The following GPC6 variants were observed in gnomAD, a reference collection of about 807,000 sequenced individuals.
The protein encoded by GPC6 is glypican-6.
Under a neutral mutation model 55.2 loss-of-function variants are expected in GPC6, and 14 were observed. The observed-to-expected ratio is 0.25, with a 90% CI of 0.17 to 0.40. GPC6 has a LOEUF of 0.40. Ranked by LOEUF, GPC6 falls within the 10% of genes least tolerant of loss-of-function variation. GPC6 has a pLI of 1.00. For synonymous variants in GPC6, 278 were observed against 259.6 expected (o/e 1.07, Z -0.68); for missense variants, 641 against 708.5 (o/e 0.90, Z 1.08).
At chr13:93,492,059 A>T (rs959459933) in intron 1 of GPC6, among the ~76,000 whole-genome samples, 2 of 144,012 alleles carry the variant, frequency 1.4e-5, no homozygotes, top group Admixed American at 7.0e-5. Flanking sequence ...TCTGTGAAGA[A>T]AGTCATTGGT....
Position 93,373,690 on chromosome 13 carries a change from T to G in GPC6, c.160+146074T>G, listed in dbSNP as rs1335211335. On this transcript the variant is annotated intron_variant, in intron 1 of 8. Coordinates refer to ENST00000377047, the MANE Select transcript of GPC6 (RefSeq NM_005708.5). The stretch of plus-strand genomic sequence containing the variant: ...AATCAATGCCTGCAAGAATTAGTGA[T>G]TCAAAAGATAGTATTAACTAAACAA... Among the ~76,000 whole-genome samples, 2 of 152,198 alleles carry G rather than the reference T, an allele frequency of 1.3e-5. 1 individual carries two copies. The highest frequency in any genetic ancestry group is 1.3e-4 in the Admixed American group (2 of 15,274).
intron 3 of GPC6, among the ~76,000 whole-genome samples, chr13:93,922,414 A>G (rs1877621417): frequency 6.6e-6 from 1 of 152,194 alleles, no homozygotes; most frequent in Non-Finnish European, 1.5e-5. Context: ...TAAGAAAAGG[A>G]CAGTTGTTCC....
chr13:93,306,678 A>G (rs1878868254), intron 1 of GPC6, among the ~76,000 whole-genome samples: 1 of 152,186 alleles, frequency 6.6e-6, no homozygotes, highest in Admixed American at 6.5e-5. Context: ...TTTCAAAACA[A>G]CTTAATTCAT....
intron 1 of GPC6, among the ~76,000 whole-genome samples, chr13:93,367,094 A>G (rs1200614845): frequency 6.6e-6 from 1 of 152,072 alleles, no homozygotes; most frequent in Non-Finnish European, 1.5e-5. Flanking sequence ...ATCATCACCA[A>G]AAAACATTTC....
chr13:93,659,009 G>T (rs532251025), intron 2 of GPC6, among the ~76,000 whole-genome samples: 26 of 151,904 alleles, frequency 1.7e-4, no homozygotes, highest in African/African-American at 6.0e-4. Context: ...TTTTCTTAAT[G>T]GAAAGGTTTA....
chr13:93,833,060 T>C (rs1358498739), intron 3 of GPC6, among the ~76,000 whole-genome samples: 1 of 135,736 alleles, frequency 7.4e-6, no homozygotes, highest in East Asian at 2.1e-4. Context: ...GGTAGAGAGA[T>C]AGATGGATGG....
intron 3 of GPC6, among the ~76,000 whole-genome samples, chr13:93,918,134 G>A (rs911625056): frequency 6.6e-6 from 1 of 151,952 alleles, no homozygotes; most frequent in African/African-American, 2.4e-5. Context: ...TGATGTACTT[G>A]GAGATCGACA....
chr13:93,740,434 A>G (rs1884161414), intron 2 of GPC6, among the ~76,000 whole-genome samples: 1 of 152,218 alleles, frequency 6.6e-6, no homozygotes. Flanking sequence ...TTAAGGATAA[A>G]GACTGGAAAA....
intron 3 of GPC6, among the ~76,000 whole-genome samples, chr13:93,993,850 A>G (rs1329135860): frequency 6.6e-6 from 1 of 152,190 alleles, no homozygotes; most frequent in African/African-American, 2.4e-5. Context: ...TAAGTTGGCA[A>G]CATTTTAAAA....
At chr13:93,978,672 A>T (rs1880633740) in intron 3 of GPC6, among the ~76,000 whole-genome samples, 2 of 152,076 alleles carry the variant, frequency 1.3e-5, no homozygotes, top group Non-Finnish European at 1.5e-5. Context: ...CTTCAATGTG[A>T]GGTTTTTTTC....
intron 2 of GPC6, among the ~76,000 whole-genome samples, chr13:93,661,111 CAT>C (rs1178449142): frequency 6.6e-6 from 1 of 152,176 alleles, no homozygotes; most frequent in East Asian, 1.9e-4. Flanking sequence ...AGAATGTACA[CAT>C]GAGAGAATGG....
intron 1 of GPC6, among the ~76,000 whole-genome samples, chr13:93,239,242 T>G (rs531614947): frequency 6.6e-6 from 1 of 152,134 alleles, no homozygotes; most frequent in South Asian, 2.1e-4. Context: ...TTTTTTAAAT[T>G]ACTGATTTGA....
chr13:94,150,368 G>C (rs1232122696), intron 4 of GPC6, among the ~76,000 whole-genome samples: 1 of 151,940 alleles, frequency 6.6e-6, no homozygotes, highest in African/African-American at 2.4e-5. Context: ...GTGAGCATTT[G>C]CTGTCACAAA....
At chr13:94,228,970 T>C (rs1481421200) in intron 4 of GPC6, among the ~76,000 whole-genome samples, 2 of 152,162 alleles carry the variant, frequency 1.3e-5, no homozygotes, top group East Asian at 3.9e-4. Flanking sequence ...TGCTGTATTG[T>C]TGGAATGCTA....
At chr13:93,237,713 G>A (rs1876286387) in intron 1 of GPC6, among the ~76,000 whole-genome samples, 1 of 145,910 alleles carries the variant, frequency 6.9e-6, no homozygotes, top group Admixed American at 6.9e-5. Context: ...TTACAATTAA[G>A]TCTTTAATTC....
chr13:93,260,491 T>C (rs1185600954), intron 1 of GPC6, among the ~76,000 whole-genome samples: 1 of 152,102 alleles, frequency 6.6e-6, no homozygotes, highest in Non-Finnish European at 1.5e-5. Context: ...TAACAGACGC[T>C]CCTAGGACTT....
upstream of GPC6, among the ~76,000 whole-genome samples, chr13:93,225,527 T>G (rs1370219420): frequency 6.6e-6 from 1 of 152,058 alleles, no homozygotes; most frequent in Non-Finnish European, 1.5e-5. Context: ...TTTTTTGGTT[T>G]TGTTTTGTCT....
At chr13:93,721,930 A>C (rs1364006397) in intron 2 of GPC6, among the ~76,000 whole-genome samples, 1 of 151,846 alleles carries the variant, frequency 6.6e-6, no homozygotes, top group African/African-American at 2.4e-5. Context: ...AAATATTAGA[A>C]TATGCATTTG....
At chr13:94,067,746 A>G (rs893861120) in intron 4 of GPC6, among the ~76,000 whole-genome samples, 1 of 152,298 alleles carries the variant, frequency 6.6e-6, no homozygotes, top group African/African-American at 2.4e-5. Context: ...AAATGTGAGT[A>G]GAGAGTATGT....
Sources: allele counts gnomAD v4.1 joint callset (sites outside exome capture counted in the v4.1 genomes callset), GRCh38; gene constraint gnomAD v4.1.1; transcripts MANE v1.5; gene names NCBI Gene and HGNC (gene_info 2026-07-23, HGNC 2026-07-21).